PCDHGA4: variants seen among roughly 807,000 people sequenced by gnomAD.
PCDHGA4 encodes the protein protocadherin gamma subfamily A, 4.
A neutral mutation model predicts 54.6 loss-of-function variants in PCDHGA4; 38 were observed. The observed-to-expected ratio is 0.70, with a 90% confidence interval of 0.54 to 0.91. PCDHGA4 has a LOEUF of 0.91. Among genes scored for constraint, PCDHGA4 ranks in the 40% least tolerant of loss-of-function variants. The pLI, the probability that PCDHGA4 is intolerant of heterozygous loss-of-function variation, is 0.00. For synonymous variants in PCDHGA4, 511 were observed against 512.9 expected (o/e 1.00, Z 0.05); for missense variants, 1,298 against 1,220.9 (o/e 1.06, Z -0.94).
rs1434083091 is a variant in PCDHGA4 at position 141,450,833 on chromosome 5, T to TA, written c.2515-43974_2515-43973insA. 6.4e-3 allele frequency among the ~76,000 whole-genome samples: 943 copies of TA among 147,260 alleles called. 6 individuals carry two copies. The highest frequency in any genetic ancestry group is 0.014 in the Middle Eastern group (4 of 276). ...TTATTTAATATTATTATTATTATTT[T>TA]TTTTTTTTTGAGATGGGGTCTTGCT... is the stretch of plus-strand genomic sequence containing the variant. On this transcript the variant is annotated intron_variant, in intron 1 of 3. Coordinates refer to ENST00000571252, the MANE Select transcript of PCDHGA4 (RefSeq NM_018917.4).
rs138616951 is a variant in PCDHGA4, at chr5:141,490,312, C to T, written c.2515-4495C>T. On this transcript the variant is annotated intron_variant, in intron 1 of 3. Transcript: ENST00000571252. The surrounding 1 kb of genome is among the most constrained non-coding windows in gnomAD (Gnocchi z 5.4). ...GGTGCTATTGGCCTCTTTGGCCAAC[C>T]CTGTCCTAGAGAGCACACCAGTGGG... 67 of 1,614,050 alleles carry T rather than the reference C, an allele frequency of 4.2e-5. No individual in the cohort carries two copies. The highest frequency in any genetic ancestry group is 5.3e-5 in the Non-Finnish European group (63 of 1,180,008).
At chr5:141,422,166 T>A (rs370704205) in intron 1 of PCDHGA4, 1 of 1,569,256 alleles carries the variant, frequency 6.4e-7, no homozygotes, top group African/African-American at 1.4e-5. Context: ...TTGAAAAATA[T>A]AGATTCTATG....
chr5:141,472,183 A>G (rs2099273731), intron 1 of PCDHGA4, among the ~76,000 whole-genome samples: 1 of 152,190 alleles, frequency 6.6e-6, no homozygotes, highest in South Asian at 2.1e-4. Flanking sequence ...CCAGTATTGG[A>G]ATTTGAATCT....
Position 141,476,247 on chromosome 5 carries a change from G to A in PCDHGA4, c.2515-18560G>A. The A allele has an allele frequency of 6.2e-7, 1 of 1,614,042 alleles. No individual in the cohort carries two copies. Among genetic ancestry groups the A allele is most frequent in the Non-Finnish European group, 8.5e-7 (1 of 1,180,010 alleles). Reference sequence around the variant, plus strand: ...GAGATCCCGGAGGAAAGAGAGAAGGGTTTCGCTGTGGGCAACGTGGTCGCG... The same window carrying A: ...GAGATCCCGGAGGAAAGAGAGAAGGATTTCGCTGTGGGCAACGTGGTCGCG... On this transcript the variant is annotated intron_variant, in intron 1 of 3. Transcript: ENST00000571252. This position sits in a 1 kb window ranked among gnomAD's most constrained non-coding sequence, Gnocchi z 7.6.
chr5:141,419,730 G>A (rs747960969), intron 1 of PCDHGA4: 9 of 1,613,746 alleles, frequency 5.6e-6, no homozygotes, highest in Non-Finnish European at 7.6e-6. Context: ...CTGCGAACAG[G>A]CGAGGTGCGC....
chr5:141,470,476 A>G (rs1009129571), intron 1 of PCDHGA4, among the ~76,000 whole-genome samples: 7 of 152,128 alleles, frequency 4.6e-5, no homozygotes, highest in African/African-American at 1.7e-4. Context: ...GATATTACTA[A>G]CCCTCTGGGA....
intron 2 of PCDHGA4, among the ~76,000 whole-genome samples, chr5:141,496,207 T>C (rs973745475): frequency 6.6e-6 from 1 of 152,134 alleles, no homozygotes; most frequent in Non-Finnish European, 1.5e-5. Flanking sequence ...CAATCTGGTA[T>C]GAATTCCTGC....
intron 1 of PCDHGA4, chr5:141,430,896 G>A: frequency 6.2e-7 from 1 of 1,606,012 alleles, no homozygotes; most frequent in Admixed American, 1.7e-5. Context: ...TCTAGGGTGG[G>A]CGACATCTCC....
At chr5:141,364,041 A>G (rs1442486662) in intron 1 of PCDHGA4, among the ~76,000 whole-genome samples, 2 of 152,276 alleles carry the variant, frequency 1.3e-5, no homozygotes, top group African/African-American at 4.8e-5. Context: ...ATATGGCAAC[A>G]TTATTAGAAA....
In PCDHGA4 at chr5:141,357,353, G is replaced by C. The variant is rs772395094; in HGVS notation, c.2246G>C (p.Arg749Pro). 6.8e-6 allele frequency: 11 copies of C among 1,614,124 alleles called. No individual in the cohort carries two copies. Among genetic ancestry groups the C allele is most frequent in the Non-Finnish European group, 9.3e-6 (11 of 1,179,962 alleles). Residue 749 changes from arginine to proline, a missense_variant, in exon 1 of 4, where the codon CGC becomes CCC. Physicochemically the swap from Arg to Pro is moderately radical, Grantham distance 103 (BLOSUM62 -2). Transcript: ENST00000571252. ...GTGCTGCTAGCACTCAAGCTGAGAC[G>C]CTGGCACAAGTCACGCCTGCTTCAC... is the stretch of plus-strand genomic sequence containing the variant. The part of the protein sequence containing the change: ...VTVLLALKLR[R>P]WHKSRLLHAE...
chr5:141,437,074 A>G (rs1455066447), intron 1 of PCDHGA4, among the ~76,000 whole-genome samples: 1 of 152,250 alleles, frequency 6.6e-6, no homozygotes, highest in Non-Finnish European at 1.5e-5. Flanking sequence ...GGTTTGGGCC[A>G]TATAAGAATT....
intron 1 of PCDHGA4, chr5:141,365,824 G>T (rs745398679): frequency 6.2e-7 from 1 of 1,613,926 alleles, no homozygotes; most frequent in African/African-American, 1.3e-5. Flanking sequence ...CATTTCAGGG[G>T]GCGCCCTTGT....
intron 1 of PCDHGA4, among the ~76,000 whole-genome samples, chr5:141,381,392 A>G (rs887778756): frequency 6.6e-6 from 1 of 152,096 alleles, no homozygotes; most frequent in Non-Finnish European, 1.5e-5. Flanking sequence ...ATTTAGTTTT[A>G]CTCTATCAAC....
At chr5:141,419,029 T>C in intron 1 of PCDHGA4, 1 of 1,613,886 alleles carries the variant, frequency 6.2e-7, no homozygotes, top group Non-Finnish European at 8.5e-7. Flanking sequence ...GTAGAGGTGT[T>C]CCATTTAAGA....
At chr5:141,433,272 C>A in intron 1 of PCDHGA4, 1 of 1,252,410 alleles carries the variant, frequency 8.0e-7, no homozygotes, top group Non-Finnish European at 1.1e-6. Context: ...TAGCTCACTG[C>A]AGCCTCAAAC....
intron 1 of PCDHGA4, chr5:141,422,603 C>G: frequency 6.2e-7 from 1 of 1,614,078 alleles, no homozygotes; most frequent in Non-Finnish European, 8.5e-7. Context: ...TCCTCTTACT[C>G]TGCCTACATT....
At position 141,432,009 on chromosome 5, in the gene PCDHGA4, G is replaced by T. The variant is rs1227754190; in HGVS notation, c.2515-62798G>T. ...GTCTTGGATAGGGAACAGGTTCCTAGCTACAACATCACAGTGACCGCCACT... is the reference window on the plus strand; with the variant it reads ...GTCTTGGATAGGGAACAGGTTCCTATCTACAACATCACAGTGACCGCCACT... On this transcript the variant is annotated intron_variant, in intron 1 of 3. Transcript: ENST00000571252. The surrounding 1 kb of genome is among the most constrained non-coding windows in gnomAD (Gnocchi z 6.0). 1 of 1,614,070 alleles carries T rather than the reference G, an allele frequency of 6.2e-7. No homozygotes were observed. The highest frequency in any genetic ancestry group is 8.5e-7 in the Non-Finnish European group (1 of 1,180,032).
chr5:141,490,106 T>C lies in PCDHGA4; in HGVS notation c.2515-4701T>C, dbSNP rs1314489019. On this transcript the variant is annotated intron_variant, in intron 1 of 3. Coordinates refer to ENST00000571252, the MANE Select transcript of PCDHGA4 (RefSeq NM_018917.4). The surrounding 1 kb of genome is among the most constrained non-coding windows in gnomAD (Gnocchi z 5.4). ...TTTGGAGACCACACATCTGAGGCAG[T>C]GCGGAACCTCTTTGGCCTAGACCCT... 2.5e-6 allele frequency: 4 copies of C among 1,614,246 alleles called. No homozygotes were observed. Among genetic ancestry groups the C allele is most frequent in the South Asian group, 1.1e-5 (1 of 91,086 alleles).
chr5:141,481,895 A>G (rs1285005477), intron 1 of PCDHGA4, among the ~76,000 whole-genome samples: 2 of 147,522 alleles, frequency 1.4e-5, no homozygotes, highest in Non-Finnish European at 3.0e-5. Context: ...GCCTGGGTGA[A>G]AGAGCGAAAC....
Sources: allele counts gnomAD v4.1 joint callset (sites outside exome capture counted in the v4.1 genomes callset), GRCh38; gene constraint gnomAD v4.1.1; non-coding constraint Gnocchi (gnomAD v3.1); transcripts MANE v1.5; gene names NCBI Gene and HGNC (gene_info 2026-07-23, HGNC 2026-07-21).